The following RGSL1 variants were observed in gnomAD, a reference collection of about 807,000 sequenced individuals.
RGSL1 encodes the protein regulator of G protein signaling protein-like.
RGSL1 carries 97 observed loss-of-function variants against 124.7 expected under a neutral mutation model. That is an observed-to-expected ratio of 0.78 (90% CI 0.66 to 0.92). RGSL1 has a LOEUF of 0.92. Ranked by LOEUF, RGSL1 falls within the 40% of genes least tolerant of loss-of-function variation. The pLI is 0.00. For missense variants in RGSL1, 1,233 were observed against 1,288.4 expected (o/e 0.96, Z 0.66); for synonymous variants, 424 against 438.1 (o/e 0.97, Z 0.40).
chr1:182,449,606 A>G (rs935611891), upstream of RGSL1, among the ~76,000 whole-genome samples: 1 of 152,184 alleles, frequency 6.6e-6, no homozygotes, highest in Non-Finnish European at 1.5e-5. Flanking sequence ...AGAGGAAGGG[A>G]GTTCAAACCT....
rs1266862326 is a variant in RGSL1, at chr1:182,548,624, G to A, written c.2809-76G>A. The A allele has an allele frequency of 3.9e-6, 6 of 1,532,122 alleles. No individual in the cohort carries two copies. In the East Asian group the frequency reaches 1.5e-4, roughly 38 times the overall value. The allele number at this position is 1,532,122 out of a possible 1,614,324, so 94.9% of individuals were successfully genotyped here. A position where few individuals can be genotyped will look rare whatever the true frequency, so the allele number is the denominator to read the frequency against. ...CCTTTTGGAGAGGGGGTGGTCATGGGGTTCTGGGGGCCAGGAGAGGTTTTC... is the reference window on the plus strand; with the variant it reads ...CCTTTTGGAGAGGGGGTGGTCATGGAGTTCTGGGGGCCAGGAGAGGTTTTC... On this transcript the variant is annotated intron_variant, in intron 16 of 21. Transcript: ENST00000294854.
chr1:182,488,635 A>G, intron 7 of RGSL1: 2 of 367,816 alleles, frequency 5.4e-6, no homozygotes, highest in Non-Finnish European at 1.0e-5. Flanking sequence ...CTGAGGCAGG[A>G]GAATGGTGTG....
At chr1:182,495,504 C>T (rs988721300) in intron 9 of RGSL1, among the ~76,000 whole-genome samples, 3 of 152,208 alleles carry the variant, frequency 2.0e-5, no homozygotes, top group Non-Finnish European at 2.9e-5. Flanking sequence ...AAGCCCCTGG[C>T]TTACCAGCCA....
rs900295861 is a variant in RGSL1, at chr1:182,461,330, A to T, written c.301+1197A>T. ...ATCCTACAGTAATAATAATAATAAT[A>T]ATAACAACTAACAAAATTAACAACA... On this transcript the variant is annotated intron_variant, in intron 4 of 21. Transcript: ENST00000294854. 5.3e-5 allele frequency among the ~76,000 whole-genome samples: 8 copies of T among 151,978 alleles called. 1 individual carries two copies. The highest frequency in any genetic ancestry group is 1.9e-4 in the East Asian group (1 of 5,170).
intron 2 of RGSL1, among the ~76,000 whole-genome samples, chr1:182,456,408 C>T (rs185063741): frequency 5.7e-4 from 87 of 152,080 alleles, no homozygotes; most frequent in African/African-American, 1.4e-3. Context: ...GTGATTCTCC[C>T]GCCTCAGCCT....
In RGSL1 at chr1:182,516,850, C is replaced by T. The variant is rs1304058434; in HGVS notation, c.1826-5154C>T. ...ATTTTTGATAGCTTTGTCTTTTAGG[C>T]TTCATACTAAGTTATGAGTGGGTTG... On this transcript the variant is annotated intron_variant, in intron 9 of 21. Coordinates refer to ENST00000294854, the MANE Select transcript of RGSL1 (RefSeq NM_001137669.2). Among the ~76,000 whole-genome samples the T allele has an allele frequency of 2.6e-5, 4 of 152,188 alleles. No individual in the cohort carries two copies. In the South Asian group the frequency reaches 8.3e-4, roughly 32 times the overall value.
chr1:182,548,484 CT>C (rs1558430075), intron 16 of RGSL1, 29 bp downstream of exon 16: 1 of 1,549,860 alleles, frequency 6.5e-7, no homozygotes, highest in Non-Finnish European at 8.7e-7. Flanking sequence ...CCACTCTGGC[CT>C]TTCACCAAGA....
intron 3 of RGSL1, 122 bp downstream of exon 3, chr1:182,458,515 G>C (rs1222271376): frequency 1.2e-6 from 1 of 811,224 alleles, no homozygotes; most frequent in African/African-American, 1.7e-5. Context: ...TGTCACCCAG[G>C]CTGCAGTGCG....
rs200194430 is a variant in RGSL1 at position 182,486,783 on chromosome 1, C to G, written c.1432-1502C>G. 1.8e-4 allele frequency among the ~76,000 whole-genome samples: 27 copies of G among 152,336 alleles called. No homozygotes were observed. In the East Asian group the frequency reaches 5.0e-3, roughly 28 times the overall value. ...CTCCGCCTCCTGGGTTCAAGCAATT[C>G]TCCTGCCTCAGCCTCCCAAGTAGCT... On this transcript the variant is annotated intron_variant, in intron 6 of 21. Coordinates refer to ENST00000294854, the MANE Select transcript of RGSL1 (RefSeq NM_001137669.2).
intron 9 of RGSL1, among the ~76,000 whole-genome samples, chr1:182,507,029 G>A (rs1049198529): frequency 3.8e-5 from 4 of 105,202 alleles, no homozygotes; most frequent in Admixed American, 1.4e-4. Flanking sequence ...CACTTTTATT[G>A]CCCAGGCTGG....
chr1:182,545,563 CTCTTTAGCATT>C (rs1221894641), intron 15 of RGSL1, among the ~76,000 whole-genome samples: 1 of 152,178 alleles, frequency 6.6e-6, no homozygotes, highest in Admixed American at 6.5e-5. Flanking sequence ...ATAAAGAACT[CTCTTTAGCATT>C]TCTTGTAAGA....
At position 182,457,079 on chromosome 1, in the gene RGSL1, G is replaced by A. The variant is rs776868571; in HGVS notation, c.97-1240G>A. Among the ~76,000 whole-genome samples the A allele has an allele frequency of 5.3e-5, 8 of 152,132 alleles. No individual in the cohort carries two copies. In the East Asian group the frequency reaches 5.8e-4, roughly 11 times the overall value. On this transcript the variant is annotated intron_variant, in intron 2 of 21. Transcript: ENST00000294854. ...GGAGAATCACTTGAACACAGGAGGC[G>A]GAGGTTGCAGTGAGCCGAGATCATT...
At position 182,556,569 on chromosome 1, in the gene RGSL1, A is replaced by G. The variant is rs75771189; in HGVS notation, c.*165+347A>G. Among the ~76,000 whole-genome samples the G allele has an allele frequency of 5.6e-3, 851 of 152,274 alleles. 4 individuals are homozygous for G. Among genetic ancestry groups the G allele is most frequent in the Non-Finnish European group, 1.0e-2 (679 of 67,998 alleles). On this transcript the variant is annotated intron_variant, in intron 21 of 21. Transcript: ENST00000294854. Reference sequence around the variant, plus strand: ...AGTTAAAGAATCTGACTCACAGAGAAGGTAAGTGACTCTCCTAAGATTACT... The same window carrying G: ...AGTTAAAGAATCTGACTCACAGAGAGGGTAAGTGACTCTCCTAAGATTACT...
intron 16 of RGSL1, 54 bp downstream of exon 16, chr1:182,548,509 C>G (rs766668381): frequency 6.5e-7 from 1 of 1,545,784 alleles, no homozygotes; most frequent in South Asian, 1.2e-5. Context: ...ATTTCCCCCA[C>G]AAGGACAATT....
intron 6 of RGSL1, among the ~76,000 whole-genome samples, chr1:182,485,680 G>T (rs1655044974): frequency 6.6e-6 from 1 of 152,160 alleles, no homozygotes; most frequent in Non-Finnish European, 1.5e-5. Flanking sequence ...TTACTGACAA[G>T]TGCAGAGCCA....
chr1:182,491,791 C>T (rs1395986712), intron 8 of RGSL1, among the ~76,000 whole-genome samples: 1 of 152,094 alleles, frequency 6.6e-6, no homozygotes, highest in Non-Finnish European at 1.5e-5. Flanking sequence ...CTAGAGAGTT[C>T]CAGGAGAACT....
chr1:182,555,881 T>A (rs185582066), intron 20 of RGSL1, 143 bp from the exon 21 acceptor site: 2 of 679,104 alleles, frequency 2.9e-6, no homozygotes, highest in Admixed American at 5.5e-5. Context: ...ACTAAGAATG[T>A]GAGAAGCCCT....
At chr1:182,476,786 A>G (rs565242458) in intron 6 of RGSL1, among the ~76,000 whole-genome samples, 2 of 152,052 alleles carry the variant, frequency 1.3e-5, no homozygotes, top group South Asian at 4.2e-4. Flanking sequence ...TTCATCTACT[A>G]TTCCACCCCC....
intron 19 of RGSL1, 136 bp downstream of exon 19, chr1:182,553,677 C>A: frequency 1.4e-6 from 1 of 729,910 alleles, no homozygotes; most frequent in Non-Finnish European, 2.3e-6. Flanking sequence ...CTGAAGATCA[C>A]ATAGCTTGTG....
Sources: allele counts gnomAD v4.1 joint callset (sites outside exome capture counted in the v4.1 genomes callset), GRCh38; gene constraint gnomAD v4.1.1; transcripts MANE v1.5; gene names NCBI Gene and HGNC (gene_info 2026-07-23, HGNC 2026-07-21).